KCNQ1: variants seen among roughly 807,000 people sequenced by gnomAD.
KCNQ1 encodes potassium voltage-gated channel subfamily Q member 1.
In KCNQ1, 49 loss-of-function variants were observed where a neutral mutation model predicts 72.4. The observed-to-expected ratio is 0.68, with a 90% CI of 0.54 to 0.86. KCNQ1 has a LOEUF of 0.86. Among genes scored for constraint, KCNQ1 ranks in the 40% least tolerant of loss-of-function variants. The pLI is 0.00. For synonymous variants in KCNQ1, 450 were observed against 412.6 expected, an observed-to-expected ratio of 1.09 and a Z score of -1.10; for missense variants, 790 against 945.1, an observed-to-expected ratio of 0.84 and a Z score of 2.15.
chr11:2,828,792 C>T lies in KCNQ1; in HGVS notation c.1795-18975C>T, dbSNP rs1200315116. 6.6e-6 allele frequency among the ~76,000 whole-genome samples: 1 copy of T among 152,250 alleles called. No homozygotes were observed. Among genetic ancestry groups the T allele is most frequent in the Admixed American group, 6.5e-5 (1 of 15,280 alleles). On this transcript the variant is annotated intron_variant, in intron 15 of 15. Transcript: ENST00000155840. This position sits in a 1 kb window ranked among gnomAD's most constrained non-coding sequence, Gnocchi z 5.3. ...AAGGAAGACCTCCTCCCCCACTTCC[C>T]TCATCAACTCCCAGAATGCCCGGTG...
rs1397318430 is a variant in KCNQ1, at chr11:2,734,875, G to C, written c.1515-33969G>C. ...GCTGGGGCCTGGCTGTGGCTTCCCA[G>C]GCCCCGGCTGGGACCACCGCAGAGG... is the stretch of plus-strand genomic sequence containing the variant. On this transcript the variant is annotated intron_variant, in intron 11 of 15. Transcript: ENST00000155840. The surrounding 1 kb of genome is among the most constrained non-coding windows in gnomAD (Gnocchi z 7.0). Among the ~76,000 whole-genome samples the C allele has an allele frequency of 6.6e-6, 1 of 152,000 alleles. No homozygotes were observed. Among genetic ancestry groups the C allele is most frequent in the Non-Finnish European group, 1.5e-5 (1 of 67,970 alleles).
At chr11:2,700,170 G>T (rs963650598) in intron 11 of KCNQ1, among the ~76,000 whole-genome samples, 1 of 152,202 alleles carries the variant, frequency 6.6e-6, no homozygotes, top group African/African-American at 2.4e-5. Flanking sequence ...GTCTCGTTTT[G>T]ATGCCACCCG....
At position 2,593,906 on chromosome 11, in the gene KCNQ1, C is replaced by G. The variant is rs1028887225; in HGVS notation, c.1393+5052C>G. Among the ~76,000 whole-genome samples, 1 of 152,128 alleles carries G rather than the reference C, an allele frequency of 6.6e-6. No homozygotes were observed. The highest frequency in any genetic ancestry group is 6.5e-5 in the Admixed American group (1 of 15,278). ...TTTGCCAGTTGAGATCAAAAGTCAC[C>G]CCAACTCCTCTGAAACCTCACTGGG... On this transcript the variant is annotated intron_variant, in intron 10 of 15. Coordinates refer to ENST00000155840, the MANE Select transcript of KCNQ1 (RefSeq NM_000218.3). This position sits in a 1 kb window ranked among gnomAD's most constrained non-coding sequence, Gnocchi z 6.9.
At chr11:2,700,059 C>A (rs1850772917) in intron 11 of KCNQ1, 2 of 398,024 alleles carry the variant, frequency 5.0e-6, no homozygotes, top group Non-Finnish European at 8.9e-6. Flanking sequence ...CGCCCCCCAC[C>A]TGCTGATTGG....
At chr11:2,760,154 C>G (rs1025188890) in intron 11 of KCNQ1, among the ~76,000 whole-genome samples, 5 of 152,228 alleles carry the variant, frequency 3.3e-5, no homozygotes, top group African/African-American at 9.6e-5. Context: ...CTGGGCAGCA[C>G]TGGGGGCTCC....
rs1346908745 is a variant in KCNQ1 at position 2,495,996 on chromosome 11, A to T, written c.387-31932A>T. 6.6e-6 allele frequency among the ~76,000 whole-genome samples: 1 copy of T among 152,126 alleles called. No individual in the cohort carries two copies. The highest frequency in any genetic ancestry group is 1.9e-4 in the East Asian group (1 of 5,196). Reference sequence around the variant, plus strand: ...TAAGTCTCTTTGTAGGTCTCTAAGAACTTGTTTTATGAATCTAGGTGCTCC... The same window carrying T: ...TAAGTCTCTTTGTAGGTCTCTAAGATCTTGTTTTATGAATCTAGGTGCTCC... On this transcript the variant is annotated intron_variant, in intron 1 of 15. Transcript: ENST00000155840. The surrounding 1 kb of genome is among the most constrained non-coding windows in gnomAD (Gnocchi z 4.6).
At chr11:2,501,718 C>A (rs1400125122) in intron 1 of KCNQ1, among the ~76,000 whole-genome samples, 1 of 68,904 alleles carries the variant, frequency 1.5e-5, no homozygotes, top group Non-Finnish European at 2.9e-5. Context: ...AAAGATACAT[C>A]AAAAAAAAAA....
In KCNQ1 at chr11:2,761,873, G is replaced by C. The variant is rs74049751; in HGVS notation, c.1515-6971G>C. Among the ~76,000 whole-genome samples, 370 of 152,382 alleles carry C rather than the reference G, an allele frequency of 2.4e-3. 1 individual carries two copies. Among genetic ancestry groups the C allele is most frequent in the African/African-American group, 8.6e-3 (358 of 41,582 alleles). On this transcript the variant is annotated intron_variant, in intron 11 of 15. Coordinates refer to ENST00000155840, the MANE Select transcript of KCNQ1 (RefSeq NM_000218.3). ...CTGTGAAGGCTCCGGCTGTGTTCTA[G>C]GGAGTTGGCAGGAGGGGAGGCCCGC... is the stretch of plus-strand genomic sequence containing the variant.
At chr11:2,637,129 C>A (rs1056888901) in intron 10 of KCNQ1, 1 of 152,120 alleles carries the variant, frequency 6.6e-6, no homozygotes, top group African/African-American at 2.4e-5. Context: ...TTCAAAAAAA[C>A]CACCTCCTGG....
At chr11:2,638,255 G>C (rs1213058143) in intron 10 of KCNQ1, 2 of 152,198 alleles carry the variant, frequency 1.3e-5, no homozygotes, top group Admixed American at 1.3e-4. Flanking sequence ...AGTTGATGCA[G>C]TTTCTTCCTA....
chr11:2,847,723 G>C, intron 15 of KCNQ1, 44 bp from the exon 16 acceptor site: 1 of 1,541,608 alleles, frequency 6.5e-7, no homozygotes, highest in South Asian at 1.2e-5. Flanking sequence ...GCACACCTGG[G>C]TGCTTCCCAC....
chr11:2,728,187 G>T (rs1440944997), intron 11 of KCNQ1, among the ~76,000 whole-genome samples: 1 of 151,880 alleles, frequency 6.6e-6, no homozygotes, highest in Non-Finnish European at 1.5e-5. Flanking sequence ...CACCTCTTTT[G>T]CCCCCTCCAC....
At chr11:2,518,240 G>A (rs1847320242) in intron 1 of KCNQ1, among the ~76,000 whole-genome samples, 1 of 152,242 alleles carries the variant, frequency 6.6e-6, no homozygotes, top group African/African-American at 2.4e-5. Context: ...ATGAACTGGT[G>A]CAAGCCAGAG....
chr11:2,730,792 C>G (rs541658107), intron 11 of KCNQ1, among the ~76,000 whole-genome samples: 1 of 152,124 alleles, frequency 6.6e-6, no homozygotes, highest in Admixed American at 6.5e-5. Context: ...ATGGTGGTTT[C>G]GAAGGGCAGA....
At chr11:2,738,119 T>C (rs996845295) in intron 11 of KCNQ1, among the ~76,000 whole-genome samples, 1 of 150,444 alleles carries the variant, frequency 6.6e-6, no homozygotes, top group Non-Finnish European at 1.5e-5. Context: ...ATGGAGAAGA[T>C]GAACGAGGAA....
Position 2,720,331 on chromosome 11 carries a change from G to A in KCNQ1, c.1515-48513G>A, listed in dbSNP as rs947563865. ...CCATCCTATGTGTACACTCAGGCAC[G>A]TACTCCCTGGCTCAGCCGCCTTCCG... On this transcript the variant is annotated intron_variant, in intron 11 of 15. Transcript: ENST00000155840. This position sits in a 1 kb window ranked among gnomAD's most constrained non-coding sequence, Gnocchi z 5.1. 2.0e-5 allele frequency among the ~76,000 whole-genome samples: 3 copies of A among 152,164 alleles called. No individual in the cohort carries two copies. Among genetic ancestry groups the A allele is most frequent in the South Asian group, 2.1e-4 (1 of 4,836 alleles).
At chr11:2,743,689 G>C (rs78704061) in intron 11 of KCNQ1, among the ~76,000 whole-genome samples, 1 of 152,158 alleles carries the variant, frequency 6.6e-6, no homozygotes. Flanking sequence ...TCAGATTCAC[G>C]ACCTCCCAGC....
rs1258275220 is a variant in KCNQ1, at chr11:2,809,378, C to T, written c.1794+31341C>T. The stretch of plus-strand genomic sequence containing the variant: ...TCTCTCAGCTTTGTGTGGTAGCCAG[C>T]GACGCTGCAACCCCGCCCCCGCAGC... On this transcript the variant is annotated intron_variant, in intron 15 of 15. Coordinates refer to ENST00000155840, the MANE Select transcript of KCNQ1 (RefSeq NM_000218.3). This position sits in a 1 kb window ranked among gnomAD's most constrained non-coding sequence, Gnocchi z 7.1. 1.3e-5 allele frequency among the ~76,000 whole-genome samples: 2 copies of T among 152,126 alleles called. No homozygotes were observed. Among genetic ancestry groups the T allele is most frequent in the Non-Finnish European group, 2.9e-5 (2 of 68,034 alleles).
chr11:2,639,635 TC>T (rs1437386871), intron 10 of KCNQ1: 1 of 152,338 alleles, frequency 6.6e-6, no homozygotes, highest in Non-Finnish European at 1.5e-5. Flanking sequence ...GGGGAGTGCC[TC>T]CCAGTTAGGC....
Sources: gnomAD v4.1 joint callset for allele counts (sites outside exome capture counted in the v4.1 genomes callset) on GRCh38, gnomAD v4.1.1 for gene constraint, Gnocchi (gnomAD v3.1) non-coding constraint, MANE v1.5 for transcripts, NCBI Gene and HGNC (gene_info 2026-07-23, HGNC 2026-07-21) for gene names.